The following PLA2G5 variants were observed in gnomAD, a reference collection of about 807,000 sequenced individuals.
PLA2G5 encodes phospholipase A2 group V, also known as Ca2+-dependent phospholipase A2.
PLA2G5 carries 12 observed loss-of-function variants against 15.9 expected under a neutral mutation model. The observed-to-expected ratio is 0.76, with a 90% CI of 0.48 to 1.23. PLA2G5 has a LOEUF of 1.23. PLA2G5 is among the 50% of genes most tolerant of loss of function. The pLI, the probability that PLA2G5 is intolerant of heterozygous loss-of-function variation, is 0.00. For missense variants in PLA2G5, 169 were observed against 177.1 expected, an observed-to-expected ratio of 0.95 and a Z score of 0.26; for synonymous variants, 71 against 71.4, an observed-to-expected ratio of 0.99 and a Z score of 0.03.
intron 1 of PLA2G5, among the ~76,000 whole-genome samples, chr1:20,028,990 G>C (rs2012723514): frequency 6.6e-6 from 1 of 152,204 alleles, no homozygotes; most frequent in South Asian, 2.1e-4. Context: ...CCCAGTGGGC[G>C]TGTGTTAGTG....
intron 1 of PLA2G5, among the ~76,000 whole-genome samples, chr1:20,029,343 C>G (rs888508045): frequency 2.9e-5 from 4 of 138,858 alleles, no homozygotes; most frequent in Non-Finnish European, 6.2e-5. Flanking sequence ...GTGTTCCTCC[C>G]CTGATACGTT....
upstream of PLA2G5, among the ~76,000 whole-genome samples, chr1:20,066,763 T>C (rs1262712296): frequency 2.0e-5 from 3 of 152,126 alleles, no homozygotes; most frequent in Admixed American, 1.3e-4. Flanking sequence ...TTCTAGGACT[T>C]TGGGAGGCAG....
rs1827954 is a variant in PLA2G5 at position 20,051,139 on chromosome 1, A to C, written n.277-8493A>C. Among the ~76,000 whole-genome samples the C allele has an allele frequency of 0.021, 3,191 of 152,288 alleles. 258 individuals carry two copies. The East Asian group carries it at 0.25, about 12-fold the overall frequency. On this transcript the variant is annotated intron_variant and non_coding_transcript_variant, in intron 1 of 6. Coordinates refer to the PLA2G5 transcript ENST00000460175. ...ATTATTGTGTGCCACAGAGGTAATA[A>C]ATTCCCTTGTCAATTGTGTCTTTGA...
intron 2 of PLA2G5, among the ~76,000 whole-genome samples, chr1:20,061,970 G>A (rs2014757801): frequency 6.6e-6 from 1 of 152,184 alleles, no homozygotes; most frequent in African/African-American, 2.4e-5. Flanking sequence ...CATGGAGGCA[G>A]ATCCCTCAAG....
At chr1:20,078,102 C>A (rs932337487) in intron 1 of PLA2G5, among the ~76,000 whole-genome samples, 4 of 152,042 alleles carry the variant, frequency 2.6e-5, no homozygotes, top group Non-Finnish European at 5.9e-5. Flanking sequence ...CACAGTGCAG[C>A]CTTGTGAAGC....
intron 1 of PLA2G5, chr1:20,054,916 G>A (rs1453401896): frequency 3.3e-5 from 5 of 152,138 alleles, no homozygotes; most frequent in African/African-American, 1.2e-4. Context: ...ATTCTCACTA[G>A]TAATGTATGA....
intron 2 of PLA2G5, among the ~76,000 whole-genome samples, chr1:20,065,139 C>A (rs1465533427): frequency 6.6e-6 from 1 of 152,154 alleles, no homozygotes; most frequent in East Asian, 1.9e-4. Flanking sequence ...TTTAGAACAG[C>A]TTTAGATTTA....
chr1:20,050,601 T>C (rs2014134387), intron 1 of PLA2G5, among the ~76,000 whole-genome samples: 1 of 152,210 alleles, frequency 6.6e-6, no homozygotes, highest in African/African-American at 2.4e-5. Context: ...GATTAAAACT[T>C]TATAGATTGT....
intron 2 of PLA2G5, among the ~76,000 whole-genome samples, chr1:20,060,661 G>A (rs1195040596): frequency 6.6e-6 from 1 of 152,000 alleles, no homozygotes; most frequent in African/African-American, 2.4e-5. Context: ...GGAAACAAGT[G>A]GCTAGTGTTA....
At chr1:20,061,943 G>C (rs902984923) in intron 2 of PLA2G5, among the ~76,000 whole-genome samples, 4 of 152,216 alleles carry the variant, frequency 2.6e-5, no homozygotes, top group African/African-American at 7.2e-5. Flanking sequence ...GTGGAGCCTG[G>C]TGGGAGGTGT....
At chr1:20,082,366 G>T (rs949449985) in intron 1 of PLA2G5, among the ~76,000 whole-genome samples, 4 of 151,674 alleles carry the variant, frequency 2.6e-5, no homozygotes, top group Non-Finnish European at 5.9e-5. Flanking sequence ...GACTGTAGTT[G>T]TACGCATGCT....
intron 1 of PLA2G5, among the ~76,000 whole-genome samples, chr1:20,028,923 G>A (rs2012716622): frequency 6.6e-6 from 1 of 152,234 alleles, no homozygotes; most frequent in African/African-American, 2.4e-5. Context: ...CAGATGGGCA[G>A]GCTGTGGGGC....
intron 3 of PLA2G5, among the ~76,000 whole-genome samples, chr1:20,089,517 C>G (rs1192199223): frequency 1.3e-5 from 2 of 152,230 alleles, no homozygotes; most frequent in African/African-American, 4.8e-5. Context: ...CCTCCCCTGG[C>G]CAGGACCAAA....
At chr1:20,071,423 A>C (rs1010414757) in intron 1 of PLA2G5, among the ~76,000 whole-genome samples, 11 of 152,162 alleles carry the variant, frequency 7.2e-5, no homozygotes, top group African/African-American at 2.7e-4. Context: ...ATAAATATGT[A>C]TCATGCCCTA....
At chr1:20,074,538 A>G (rs2015566671) in intron 1 of PLA2G5, among the ~76,000 whole-genome samples, 1 of 152,212 alleles carries the variant, frequency 6.6e-6, no homozygotes, top group African/African-American at 2.4e-5. Flanking sequence ...CTGCATTTTA[A>G]GTGTTTCCAA....
intron 2 of PLA2G5, among the ~76,000 whole-genome samples, chr1:20,060,698 GC>G (rs1456514025): frequency 6.6e-6 from 1 of 151,666 alleles, no homozygotes; most frequent in Non-Finnish European, 1.5e-5. Flanking sequence ...GAGGCCAACA[GC>G]CCACTTAGGG....
At chr1:20,050,308 A>G (rs2014121713) in intron 1 of PLA2G5, among the ~76,000 whole-genome samples, 2 of 152,198 alleles carry the variant, frequency 1.3e-5, no homozygotes, top group South Asian at 4.1e-4. Context: ...GAAGATGCCA[A>G]TCAAAATAAA....
chr1:20,057,880 G>A (rs1415691717), intron 1 of PLA2G5, among the ~76,000 whole-genome samples: 2 of 149,212 alleles, frequency 1.3e-5, no homozygotes, highest in Non-Finnish European at 3.0e-5. Flanking sequence ...TTTTTTTTTT[G>A]ACCCACGTGT....
intron 3 of PLA2G5, among the ~76,000 whole-genome samples, chr1:20,087,776 CA>C (rs2016368024): frequency 6.6e-6 from 1 of 151,452 alleles, no homozygotes; most frequent in Admixed American, 6.6e-5. Flanking sequence ...CTTTTAGTGC[CA>C]AAAAGTAAGG....
Sources: gnomAD v4.1 joint callset for allele counts (sites outside exome capture counted in the v4.1 genomes callset) on GRCh38, gnomAD v4.1.1 for gene constraint, MANE v1.5 for transcripts, NCBI Gene and HGNC (gene_info 2026-07-23, HGNC 2026-07-21) for gene names.